The following AGBL4 variants were observed in gnomAD, a reference collection of about 807,000 sequenced individuals.
The protein encoded by AGBL4 is AGBL carboxypeptidase 4, also known as cytosolic carboxypeptidase 6.
In AGBL4, 58 loss-of-function variants were observed where a neutral mutation model predicts 66.4. The observed-to-expected ratio is 0.87, with a 90% CI of 0.71 to 1.09. The LOEUF is 1.09. AGBL4 is among the 50% of genes least tolerant of loss of function. The pLI is 0.00. For missense variants in AGBL4, 579 were observed against 631.0 expected (o/e 0.92, Z 0.88); for synonymous variants, 234 against 222.9 (o/e 1.05, Z -0.44).
At chr1:49,658,914 C>T (rs1043637169) in intron 3 of AGBL4, among the ~76,000 whole-genome samples, 3 of 151,718 alleles carry the variant, frequency 2.0e-5, no homozygotes, top group African/African-American at 4.8e-5. Context: ...ATGTAAATGA[C>T]GAGTTAATGG....
chr1:49,172,708 A>C (rs1349684361), intron 4 of AGBL4, among the ~76,000 whole-genome samples: 2 of 152,228 alleles, frequency 1.3e-5, no homozygotes, highest in Non-Finnish European at 2.9e-5. Context: ...GATGATGTCT[A>C]AAAGACCATA....
At chr1:49,215,865 G>A (rs2148265945) in intron 4 of AGBL4, among the ~76,000 whole-genome samples, 1 of 151,938 alleles carries the variant, frequency 6.6e-6, no homozygotes, top group Non-Finnish European at 1.5e-5. Context: ...CAGAAGTGTT[G>A]ATTACTCCAT....
At chr1:48,946,921 C>A (rs758969104) in intron 5 of AGBL4, among the ~76,000 whole-genome samples, 51 of 152,182 alleles carry the variant, frequency 3.4e-4, no homozygotes, top group Non-Finnish European at 6.9e-4. Context: ...CAGGCCAACA[C>A]TGGGGCCTAA....
chr1:49,780,465 T>C (rs1253890254), intron 2 of AGBL4, among the ~76,000 whole-genome samples: 1 of 152,072 alleles, frequency 6.6e-6, no homozygotes, highest in Admixed American at 6.6e-5. Context: ...TCTATAAATA[T>C]ATACTTTATT....
intron 5 of AGBL4, among the ~76,000 whole-genome samples, chr1:48,974,667 T>C (rs1659174841): frequency 6.6e-6 from 1 of 152,130 alleles, no homozygotes; most frequent in South Asian, 2.1e-4. Flanking sequence ...ATTTGGCGAG[T>C]GAAGTAATTG....
At position 49,099,895 on chromosome 1, in the gene AGBL4, C is replaced by A. The variant is rs557161648; in HGVS notation, c.378-54095G>T. 7.9e-5 allele frequency among the ~76,000 whole-genome samples: 12 copies of A among 152,250 alleles called. No individual in the cohort carries two copies. The South Asian group carries it at 2.1e-3, about 26-fold the overall frequency. On this transcript the variant is annotated intron_variant, in intron 4 of 13. Coordinates refer to ENST00000371839, the MANE Select transcript of AGBL4 (RefSeq NM_032785.4). ...TTTGGCTTCTTCTATAACAGAACAG[C>A]AAATTTCTGTCTGTCTCTTTAATAT...
intron 1 of AGBL4, chr1:49,995,251 G>A (rs757986867): frequency 3.1e-5 from 14 of 455,608 alleles, no homozygotes; most frequent in South Asian, 2.2e-4. Context: ...CTTGGAGCCT[G>A]AGACAAGTTT....
intron 2 of AGBL4, among the ~76,000 whole-genome samples, chr1:49,706,770 G>T (rs1647241917): frequency 1.3e-5 from 2 of 152,210 alleles, no homozygotes; most frequent in Admixed American, 6.5e-5. Context: ...TGGTTTCAAA[G>T]AACTTCTTTA....
intron 6 of AGBL4, among the ~76,000 whole-genome samples, chr1:48,755,516 A>AG (rs1342739820): frequency 6.6e-6 from 1 of 152,214 alleles, no homozygotes; most frequent in Non-Finnish European, 1.5e-5. Context: ...AATGAGGCCC[A>AG]GGGGGCAGAG....
intron 3 of AGBL4, among the ~76,000 whole-genome samples, chr1:49,484,373 T>A (rs1647019181): frequency 6.6e-6 from 1 of 151,974 alleles, no homozygotes; most frequent in African/African-American, 2.4e-5. Context: ...GAAAAATGGA[T>A]AAAGAAAATG....
intron 6 of AGBL4, among the ~76,000 whole-genome samples, chr1:48,866,511 G>A (rs1211347212): frequency 6.6e-6 from 1 of 152,146 alleles, no homozygotes; most frequent in Non-Finnish European, 1.5e-5. Context: ...TAACCCTGCT[G>A]GCACCATCAT....
chr1:48,687,528 G>A (rs969529867), intron 6 of AGBL4, among the ~76,000 whole-genome samples: 4 of 152,172 alleles, frequency 2.6e-5, no homozygotes, highest in South Asian at 2.1e-4. Context: ...CGAGGGGAGA[G>A]GCCATCCATG....
intron 5 of AGBL4, among the ~76,000 whole-genome samples, chr1:48,934,257 G>A (rs757512254): frequency 1.3e-5 from 2 of 152,116 alleles, no homozygotes; most frequent in Non-Finnish European, 2.9e-5. Flanking sequence ...TATAGCAGGA[G>A]GGGTGTCACT....
At chr1:49,330,237 T>G (rs1645306205) in intron 3 of AGBL4, among the ~76,000 whole-genome samples, 1 of 152,214 alleles carries the variant, frequency 6.6e-6, no homozygotes, top group African/African-American at 2.4e-5. Flanking sequence ...GCCAAAATGG[T>G]GAAACCCTGT....
intron 6 of AGBL4, among the ~76,000 whole-genome samples, chr1:48,716,557 A>T (rs1410986724): frequency 6.6e-6 from 1 of 152,082 alleles, no homozygotes; most frequent in Non-Finnish European, 1.5e-5. Context: ...AGAGACTGGG[A>T]GGGATGAATT....
chr1:49,223,889 T>A (rs1649696645), intron 4 of AGBL4, among the ~76,000 whole-genome samples: 2 of 152,240 alleles, frequency 1.3e-5, no homozygotes, highest in South Asian at 2.1e-4. Flanking sequence ...TAACATGTTG[T>A]GCTAATGATG....
chr1:49,013,327 G>C (rs539375624), intron 5 of AGBL4, among the ~76,000 whole-genome samples: 1 of 152,094 alleles, frequency 6.6e-6, no homozygotes, highest in African/African-American at 2.4e-5. Context: ...ACACATCATG[G>C]GTTCAATATA....
intron 9 of AGBL4, among the ~76,000 whole-genome samples, chr1:48,603,528 G>C (rs751103429): frequency 6.6e-6 from 1 of 152,070 alleles, no homozygotes; most frequent in East Asian, 1.9e-4. Flanking sequence ...GACACAGAGG[G>C]GGGTGAGGAA....
At chr1:49,078,395 T>C (rs1571393221) in intron 4 of AGBL4, among the ~76,000 whole-genome samples, 1 of 152,208 alleles carries the variant, frequency 6.6e-6, no homozygotes, top group Admixed American at 6.5e-5. Context: ...GGATGTCTAA[T>C]GGGCATCTCA....
Sources: gnomAD v4.1 joint callset for allele counts (sites outside exome capture counted in the v4.1 genomes callset) on GRCh38, gnomAD v4.1.1 for gene constraint, MANE v1.5 for transcripts, NCBI Gene and HGNC (gene_info 2026-07-23, HGNC 2026-07-21) for gene names.